The following TYW1 variants were observed in gnomAD, a reference collection of about 807,000 sequenced individuals.
TYW1 encodes tRNA-yW synthesizing protein 1 homolog.
A neutral mutation model predicts 96.2 loss-of-function variants in TYW1; 46 were observed. The observed-to-expected ratio is 0.48, with a 90% confidence interval of 0.38 to 0.61. The LOEUF (loss-of-function observed/expected upper bound fraction) is 0.61. Among genes scored for constraint, TYW1 ranks in the 20% least tolerant of loss-of-function variants. TYW1 has a pLI of 0.00. For synonymous variants in TYW1, 274 were observed against 323.0 expected, an observed-to-expected ratio of 0.85 and a Z score of 1.63; for missense variants, 684 against 909.6, an observed-to-expected ratio of 0.75 and a Z score of 3.19.
intron 7 of TYW1, among the ~76,000 whole-genome samples, chr7:67,040,227 G>C (rs1794972495): frequency 6.6e-6 from 1 of 152,200 alleles, no homozygotes; most frequent in African/African-American, 2.4e-5. Context: ...CAAAGTGCTA[G>C]GATAGCCACC....
At chr7:67,161,377 G>A (rs1799158888) in intron 13 of TYW1, among the ~76,000 whole-genome samples, 1 of 152,172 alleles carries the variant, frequency 6.6e-6, no homozygotes, top group Non-Finnish European at 1.5e-5. Context: ...TGCCTGTCCT[G>A]TCACTTTAAT....
intron 9 of TYW1, among the ~76,000 whole-genome samples, chr7:67,056,099 C>A (rs1412835846): frequency 6.6e-6 from 1 of 152,198 alleles, no homozygotes; most frequent in Non-Finnish European, 1.5e-5. Context: ...ATCCCCACCC[C>A]AGTGAATTTA....
chr7:67,006,977 T>A (rs1292542695), intron 3 of TYW1, among the ~76,000 whole-genome samples: 24 of 113,232 alleles, frequency 2.1e-4, no homozygotes, highest in South Asian at 6.2e-4. Flanking sequence ...TTTTTTTTTT[T>A]AACAGCCATC....
At position 66,996,938 on chromosome 7, in the gene TYW1, T is replaced by C. The variant is rs199630262; in HGVS notation, c.-41T>C. 6.8e-6 allele frequency: 11 copies of C among 1,613,930 alleles called. No individual in the cohort carries two copies. The East Asian group carries it at 2.0e-4, about 29-fold the overall frequency. ...GGTACCAGTGCGAATCATCGGGCTA[T>C]CCAGGTCCGAGATCCTAGTCTCCTG... On this transcript the variant is annotated 5_prime_UTR_variant, in exon 1 of 16. Coordinates refer to ENST00000359626, the MANE Select transcript of TYW1 (RefSeq NM_018264.4).
intron 15 of TYW1, among the ~76,000 whole-genome samples, chr7:67,223,205 T>A (rs1464314500): frequency 6.6e-6 from 1 of 152,178 alleles, no homozygotes; most frequent in African/African-American, 2.4e-5. Context: ...GATTTGTAGT[T>A]TTCTTTTGGA....
intron 6 of TYW1, among the ~76,000 whole-genome samples, chr7:67,021,015 G>A (rs1057287852): frequency 2.0e-5 from 3 of 152,282 alleles, no homozygotes; most frequent in African/African-American, 2.4e-5. Flanking sequence ...GTGACAGAGC[G>A]AGACGCTGTC....
rs1045088 is a variant in TYW1, at chr7:67,239,112, G to C, written c.*583G>C. The C allele has an allele frequency of 2.2e-5, 22 of 986,402 alleles. No individual in the cohort carries two copies. The highest frequency in any genetic ancestry group is 2.6e-5 in the Non-Finnish European group (22 of 830,596). The allele number at this position is 986,402 out of a possible 1,614,324, so 61.1% of individuals were successfully genotyped here. On this transcript the variant is annotated 3_prime_UTR_variant, in exon 16 of 16. Coordinates refer to ENST00000359626, the MANE Select transcript of TYW1 (RefSeq NM_018264.4). ...TTTGGTTTATTACCAACCCTTCCCA[G>C]AATTGCGTTGGATCTAAAACTACTA...
chr7:67,083,364 A>G (rs1796442164), intron 10 of TYW1, 66 bp from the exon 11 acceptor site: 1 of 1,509,540 alleles, frequency 6.6e-7, no homozygotes, highest in African/African-American at 1.4e-5. Flanking sequence ...GGATGACTTC[A>G]TCATAAATGA....
intron 6 of TYW1, among the ~76,000 whole-genome samples, chr7:67,021,197 C>T (rs1034793007): frequency 5.8e-4 from 89 of 152,346 alleles, no homozygotes; most frequent in Non-Finnish European, 1.1e-3. Flanking sequence ...CTTCTGTCTT[C>T]CCAGTTGAGT....
At chr7:67,113,688 G>C (rs1394710699) in intron 12 of TYW1, among the ~76,000 whole-genome samples, 2 of 151,244 alleles carry the variant, frequency 1.3e-5, no homozygotes, top group African/African-American at 4.9e-5. Context: ...GCCCAGGCTG[G>C]AGTACAGTGG....
At chr7:67,014,630 C>T in intron 5 of TYW1, 69 bp downstream of exon 5, 2 of 1,536,812 alleles carry the variant, frequency 1.3e-6, no homozygotes, top group East Asian at 2.3e-5. Flanking sequence ...CACACGTAAA[C>T]ACACACACGT....
intron 7 of TYW1, among the ~76,000 whole-genome samples, chr7:67,044,469 T>C (rs1435946813): frequency 6.6e-6 from 1 of 152,126 alleles, no homozygotes; most frequent in African/African-American, 2.4e-5. Context: ...AGTTTCCGGG[T>C]CTGGAAATAG....
Position 67,195,274 on chromosome 7 carries a change from C to T in TYW1, c.1914C>T (p.Ile638=). The T allele has an allele frequency of 6.2e-7, 1 of 1,609,780 alleles. No homozygotes were observed. Among genetic ancestry groups the T allele is most frequent in the Non-Finnish European group, 8.5e-7 (1 of 1,177,358 alleles). The part of the protein sequence containing the change: ...VQFVHELVDL[I]PEYEIACEHE... Reference sequence around the variant, plus strand: ...TTGTCCACGAGTTGGTGGATCTGATCCCCGAATATGAAATTGCATGTGAAC... The same window carrying T: ...TTGTCCACGAGTTGGTGGATCTGATTCCCGAATATGAAATTGCATGTGAAC... The change falls in exon 15 of 16, where the codon ATC becomes ATT. Residue 638 remains isoleucine (I), a synonymous_variant. Coordinates refer to ENST00000359626, the MANE Select transcript of TYW1 (RefSeq NM_018264.4).
chr7:67,093,046 G>C (rs1336161355), intron 11 of TYW1, among the ~76,000 whole-genome samples: 1 of 152,024 alleles, frequency 6.6e-6, no homozygotes, highest in Non-Finnish European at 1.5e-5. Context: ...ATATGCCTGT[G>C]GTCCTAGCAC....
intron 9 of TYW1, among the ~76,000 whole-genome samples, chr7:67,061,963 C>T (rs889996058): frequency 6.6e-6 from 1 of 152,140 alleles, no homozygotes; most frequent in Non-Finnish European, 1.5e-5. Context: ...TTTAGTTTTG[C>T]TTGATCTTGA....
intron 7 of TYW1, among the ~76,000 whole-genome samples, chr7:67,029,432 T>TATATATATAA (rs1380875291): frequency 1.6e-4 from 22 of 139,234 alleles, no homozygotes; most frequent in Non-Finnish European, 6.3e-5. Flanking sequence ...TATATATATA[T>TATATATATAA]AAATAGTATT....
At chr7:67,187,308 C>G (rs1307070076) in intron 14 of TYW1, among the ~76,000 whole-genome samples, 1 of 152,108 alleles carries the variant, frequency 6.6e-6, no homozygotes, top group Non-Finnish European at 1.5e-5. Context: ...AGGTGATCCA[C>G]CCGCCTTGGC....
intron 8 of TYW1, among the ~76,000 whole-genome samples, chr7:67,054,496 C>T (rs1432107812): frequency 6.6e-6 from 1 of 152,166 alleles, no homozygotes; most frequent in South Asian, 2.1e-4. Context: ...CCTTGGAGTA[C>T]ATAAGCAGTC....
intron 1 of TYW1, among the ~76,000 whole-genome samples, chr7:66,997,312 A>C (rs750723918): frequency 9.3e-6 from 1 of 107,566 alleles, no homozygotes; most frequent in African/African-American, 3.9e-5. Context: ...GTCCCTGCAT[A>C]TCTCTCTTAA....
Sources: allele counts gnomAD v4.1 joint callset (sites outside exome capture counted in the v4.1 genomes callset), GRCh38; gene constraint gnomAD v4.1.1; transcripts MANE v1.5; gene names NCBI Gene and HGNC (gene_info 2026-07-23, HGNC 2026-07-21).